The following GRM8 variants were observed in gnomAD, a reference collection of about 807,000 sequenced individuals.
GRM8 encodes metabotropic glutamate receptor 8.
GRM8 carries 47 observed loss-of-function variants against 87.2 expected under a neutral mutation model. That is an observed-to-expected ratio of 0.54 (90% CI 0.43 to 0.69). The LOEUF is 0.69. Ranked by LOEUF, GRM8 falls within the 30% of genes least tolerant of loss-of-function variation. The pLI, the probability that GRM8 is intolerant of heterozygous loss-of-function variation, is 0.00. For missense variants in GRM8, 1,019 were observed against 1,139.2 expected, an observed-to-expected ratio of 0.89 and a Z score of 1.52; for synonymous variants, 396 against 404.5, an observed-to-expected ratio of 0.98 and a Z score of 0.25.
chr7:127,004,858 C>A (rs1814106668), intron 3 of GRM8, among the ~76,000 whole-genome samples: 1 of 151,264 alleles, frequency 6.6e-6, no homozygotes. Context: ...AAAAGCAATA[C>A]AGTCATTAAC....
chr7:127,106,979 A>G (rs1825867670), intron 2 of GRM8, among the ~76,000 whole-genome samples: 1 of 152,164 alleles, frequency 6.6e-6, no homozygotes, highest in African/African-American at 2.4e-5. Context: ...AAAGCAAAAC[A>G]TTTGTGCTTT....
chr7:127,003,341 G>A (rs1022313604), intron 3 of GRM8, among the ~76,000 whole-genome samples: 1 of 151,724 alleles, frequency 6.6e-6, no homozygotes, highest in Non-Finnish European at 1.5e-5. Context: ...TTAGCTCCTA[G>A]AGAATGGTGA....
At chr7:126,838,826 A>G (rs535968081) in intron 6 of GRM8, among the ~76,000 whole-genome samples, 2 of 152,262 alleles carry the variant, frequency 1.3e-5, no homozygotes, top group Admixed American at 1.3e-4. Flanking sequence ...CTAGACCACA[A>G]AACCTAAAAG....
chr7:127,086,221 G>A (rs920773463), intron 3 of GRM8, among the ~76,000 whole-genome samples: 4 of 151,932 alleles, frequency 2.6e-5, no homozygotes, highest in African/African-American at 7.3e-5. Context: ...CTGCCTCAGC[G>A]TCCCAAGTAG....
At chr7:126,459,773 A>T (rs112797300) in intron 9 of GRM8, among the ~76,000 whole-genome samples, 1 of 151,428 alleles carries the variant, frequency 6.6e-6, no homozygotes, top group Non-Finnish European at 1.5e-5. Context: ...GGACAGCCCT[A>T]TGATAAGGAG....
intron 10 of GRM8, among the ~76,000 whole-genome samples, chr7:126,440,309 G>A (rs1185611582): frequency 1.3e-5 from 2 of 151,208 alleles, no homozygotes; most frequent in East Asian, 3.9e-4. Context: ...TTACTCAGGA[G>A]GCTGAGGCAG....
At chr7:126,551,222 T>C (rs566195541) in intron 8 of GRM8, among the ~76,000 whole-genome samples, 1 of 152,292 alleles carries the variant, frequency 6.6e-6, no homozygotes, top group African/African-American at 2.4e-5. Flanking sequence ...AAATAGCTTT[T>C]ACAATCTATT....
chr7:127,007,300 T>TAC (rs1814416762), intron 3 of GRM8, among the ~76,000 whole-genome samples: 1 of 152,010 alleles, frequency 6.6e-6, no homozygotes, highest in South Asian at 2.1e-4. Flanking sequence ...AACTAGAGAA[T>TAC]ACATTCATCA....
intron 6 of GRM8, among the ~76,000 whole-genome samples, chr7:126,792,139 C>T (rs1821415313): frequency 6.6e-6 from 1 of 152,152 alleles, no homozygotes; most frequent in African/African-American, 2.4e-5. Context: ...GCAAAAAATG[C>T]TAGAAGAGGT....
At chr7:126,993,494 C>T (rs566288890) in intron 3 of GRM8, among the ~76,000 whole-genome samples, 1 of 152,246 alleles carries the variant, frequency 6.6e-6, no homozygotes, top group East Asian at 1.9e-4. Context: ...ACTGACTACA[C>T]ACAATAAAAG....
chr7:126,695,187 C>T (rs1360892081), intron 7 of GRM8, among the ~76,000 whole-genome samples: 1 of 151,984 alleles, frequency 6.6e-6, no homozygotes, highest in Non-Finnish European at 1.5e-5. Flanking sequence ...CATCAAAATA[C>T]TAAATTAGTA....
chr7:126,625,348 G>A (rs1004506863), intron 7 of GRM8, among the ~76,000 whole-genome samples: 6 of 151,560 alleles, frequency 4.0e-5, no homozygotes, highest in Non-Finnish European at 4.4e-5. Flanking sequence ...TACACAATTC[G>A]TTTCCATAAA....
In GRM8 at chr7:126,655,518, A is replaced by C. The variant is rs555871017; in HGVS notation, c.1358-46020T>G. 3.0e-4 allele frequency among the ~76,000 whole-genome samples: 45 copies of C among 151,222 alleles called. 1 individual carries two copies. In the South Asian group the frequency reaches 9.4e-3, roughly 32 times the overall value. On this transcript the variant is annotated intron_variant, in intron 7 of 10. Transcript: ENST00000339582. ...GTTGCTGTCTCTCTCTCTCAGTCTC[A>C]GTATCTTTATAGCAGTGTTAAAACG...
At chr7:126,557,919 T>C (rs900312617) in intron 8 of GRM8, among the ~76,000 whole-genome samples, 1 of 152,130 alleles carries the variant, frequency 6.6e-6, no homozygotes, top group East Asian at 1.9e-4. Flanking sequence ...TTTTAAACTA[T>C]AAATTATAAA....
intron 8 of GRM8, among the ~76,000 whole-genome samples, chr7:126,585,165 T>C (rs1308430897): frequency 1.3e-5 from 2 of 152,176 alleles, no homozygotes; most frequent in African/African-American, 2.4e-5. Flanking sequence ...AAATACATTC[T>C]AACCTAATTT....
chr7:126,686,261 G>C (rs529825980), intron 7 of GRM8, among the ~76,000 whole-genome samples: 1 of 152,032 alleles, frequency 6.6e-6, no homozygotes, highest in South Asian at 2.1e-4. Context: ...TCTTGCTCAC[G>C]CTCCACTTGT....
chr7:126,956,593 T>C (rs1808711738), intron 3 of GRM8, among the ~76,000 whole-genome samples: 1 of 152,230 alleles, frequency 6.6e-6, no homozygotes, highest in African/African-American at 2.4e-5. Flanking sequence ...CATTAACTCG[T>C]CATTTAACAT....
At chr7:127,117,440 T>C (rs1054564945) in intron 2 of GRM8, among the ~76,000 whole-genome samples, 5 of 152,244 alleles carry the variant, frequency 3.3e-5, no homozygotes, top group African/African-American at 1.2e-4. Flanking sequence ...TTCTTTCTGT[T>C]TCTGCCAGTT....
intron 3 of GRM8, among the ~76,000 whole-genome samples, chr7:126,971,960 G>A (rs774894798): frequency 3.9e-5 from 6 of 152,118 alleles, no homozygotes; most frequent in African/African-American, 9.7e-5. Context: ...TCCCTTTGCC[G>A]TATTTATAAG....
Sources: gnomAD v4.1 joint callset for allele counts (sites outside exome capture counted in the v4.1 genomes callset) on GRCh38, gnomAD v4.1.1 for gene constraint, MANE v1.5 for transcripts, NCBI Gene and HGNC (gene_info 2026-07-23, HGNC 2026-07-21) for gene names.